The following TSACC variants were observed in gnomAD, a reference collection of about 807,000 sequenced individuals.
TSACC encodes the protein TSSK6-activating co-chaperone protein.
Under a neutral mutation model 6.9 loss-of-function variants are expected in TSACC, and 3 were observed. That is an observed-to-expected ratio of 0.43 (90% CI 0.20 to 1.12). The LOEUF (loss-of-function observed/expected upper bound fraction) is 1.12, where lower values mean the gene tolerates loss of function less well. Ranked by LOEUF, TSACC falls within the 50% of genes most tolerant of loss-of-function variation. The pLI, the probability that TSACC is intolerant of heterozygous loss-of-function variation, is 0.28. For synonymous variants in TSACC, 54 were observed against 55.1 expected (o/e 0.98, Z 0.09); for missense variants, 137 against 143.9 (o/e 0.95, Z 0.24).
chr1:156,344,436 C>CT, intron 2 of TSACC, 144 bp from the exon 3 acceptor site: 3 of 1,261,694 alleles, frequency 2.4e-6, no homozygotes, highest in Non-Finnish European at 1.1e-6. Flanking sequence ...ATTATGATTT[C>CT]TTTTTTGTCT....
At chr1:156,337,712 G>A (rs1020818882), upstream of TSACC, 4 of 183,626 alleles carry the variant, frequency 2.2e-5, no homozygotes, top group African/African-American at 9.5e-5. Flanking sequence ...AGGAAATACT[G>A]TTAACTCCGT....
At position 156,344,708 on chromosome 1, in the gene TSACC, G is replaced by T; in HGVS notation, c.163G>T (p.Val55Phe). 1.9e-6 allele frequency: 3 copies of T among 1,613,772 alleles called. No individual in the cohort carries two copies. The South Asian group carries it at 3.3e-5, about 18-fold the overall frequency. The change falls in exon 3 of 4, where the codon GTT becomes TTT. Residue 55 changes from valine to phenylalanine, a missense_variant and splice_region_variant. Val to Phe is a conservative substitution (Grantham distance 50). Transcript: ENST00000368254. ...CATCCAGACAACAAAGCTGCCCTCG[G>T]GTAAGGATGTAGGGAGGGTTTTCTA... ...LNIQTTKLPSVDHKPKECLGL... is the reference protein window; with the variant it reads ...LNIQTTKLPSFDHKPKECLGL...
At chr1:156,337,860 G>A, upstream of TSACC, 1 of 501,730 alleles carries the variant, frequency 2.0e-6, no homozygotes, top group South Asian at 3.0e-5. Context: ...AAGGGCGCAG[G>A]GGCGGGGGAA....
chr1:156,344,355 T>C (rs537544694), intron 2 of TSACC, among the ~76,000 whole-genome samples: 1 of 152,304 alleles, frequency 6.6e-6, no homozygotes, highest in South Asian at 2.1e-4. Flanking sequence ...GCATGTAGTG[T>C]ATATCAGTAA....
chr1:156,341,586 G>A (rs947331584), intron 2 of TSACC, among the ~76,000 whole-genome samples: 3 of 152,098 alleles, frequency 2.0e-5, no homozygotes, highest in Non-Finnish European at 4.4e-5. Context: ...CATATCCTCT[G>A]TTCTGCCTCC....
At chr1:156,343,209 A>G (rs1665991325) in intron 2 of TSACC, among the ~76,000 whole-genome samples, 1 of 152,134 alleles carries the variant, frequency 6.6e-6, no homozygotes, top group African/African-American at 2.4e-5. Flanking sequence ...ATATGTCCAG[A>G]TGTGATTATG....
At chr1:156,338,075 C>T, upstream of TSACC, 1 of 1,492,344 alleles carries the variant, frequency 6.7e-7, no homozygotes, top group Non-Finnish European at 9.2e-7. Flanking sequence ...CAGTGGGGGA[C>T]GGAGCTGGGG....
At chr1:156,337,710 C>G (rs1247803219), upstream of TSACC, 1 of 182,540 alleles carries the variant, frequency 5.5e-6, no homozygotes, top group South Asian at 1.1e-4. Context: ...CTAGGAAATA[C>G]TGTTAACTCC....
intron 2 of TSACC, among the ~76,000 whole-genome samples, chr1:156,340,895 C>T (rs967307859): frequency 6.6e-6 from 1 of 152,208 alleles, no homozygotes. Context: ...AGTTTACCTA[C>T]TTAGGATCAC....
intron 1 of TSACC, 88 bp from the exon 2 acceptor site, chr1:156,339,546 C>G (rs1665699591): frequency 2.0e-6 from 1 of 499,480 alleles, no homozygotes; most frequent in Admixed American, 3.6e-5. Context: ...GTTTTCCAAA[C>G]TAGTGAAGGG....
intron 2 of TSACC, 47 bp downstream of exon 2, chr1:156,339,838 C>G (rs1357116558): frequency 6.2e-7 from 1 of 1,605,086 alleles, no homozygotes; most frequent in South Asian, 1.1e-5. Flanking sequence ...AGCAAGACCT[C>G]CTTTGCATTC....
At chr1:156,339,308 T>C (rs926516077) in intron 1 of TSACC, among the ~76,000 whole-genome samples, 9 of 151,678 alleles carry the variant, frequency 5.9e-5, no homozygotes, top group Admixed American at 4.0e-4. Context: ...GAGATTTTTT[T>C]CCCCCACATC....
rs761547058 is a variant in TSACC, at chr1:156,346,909, G to A, written c.305G>A (p.Gly102Glu). The A allele has an allele frequency of 1.2e-5, 19 of 1,614,056 alleles. No individual in the cohort carries two copies. Among genetic ancestry groups the A allele is most frequent in the Non-Finnish European group, 1.4e-5 (17 of 1,180,042 alleles). ...ASVTQLAPGR[G>E]SNNSSLPALS... ...GTGACACAACTGGCTCCTGGGAGGG[G>A]AAGCAATAACTCTTCTCTCCCAGCC... Residue 102 changes from glycine to glutamate, a missense_variant, in exon 4 of 4, where the codon GGA (glycine) becomes GAA (glutamate). Coordinates refer to ENST00000368254, the MANE Select transcript of TSACC (RefSeq NM_001304817.2).
At chr1:156,339,524 T>A in intron 1 of TSACC, 110 bp from the exon 2 acceptor site, 5 of 480,518 alleles carry the variant, frequency 1.0e-5, no homozygotes, top group African/African-American at 2.0e-5. Context: ...AAGGAAGCAC[T>A]AAAGGAAAAC....
At position 156,339,765 on chromosome 1, in the gene TSACC, G is replaced by A. The variant is rs758274628; in HGVS notation, c.8G>A (p.Arg3Gln). The A allele has an allele frequency of 8.1e-6, 13 of 1,613,938 alleles. No homozygotes were observed. Among genetic ancestry groups the A allele is most frequent in the East Asian group, 2.2e-5 (1 of 44,896 alleles). The change falls in exon 2 of 4, where the codon CGG (arginine) becomes CAG (glutamine). Residue 3 changes from arginine (R) to glutamine (Q), a missense_variant. Coordinates refer to ENST00000368254, the MANE Select transcript of TSACC (RefSeq NM_001304817.2). ME[R>Q]HTSHPNRKVP... ...ACACCTGTTGGTGTTCAGATGGAGC[G>A]GCACACTAGTCATCCTAACAGAAAA...
chr1:156,338,440 T>A (rs1665569251), upstream of TSACC: 2 of 571,732 alleles, frequency 3.5e-6, no homozygotes, highest in Admixed American at 6.1e-5. Flanking sequence ...ACGAAGGCAC[T>A]GGGAGGGCAC....
At chr1:156,341,392 C>T (rs1665875692) in intron 2 of TSACC, among the ~76,000 whole-genome samples, 1 of 152,166 alleles carries the variant, frequency 6.6e-6, no homozygotes, top group African/African-American at 2.4e-5. Context: ...ACTCTCATAG[C>T]ACTTACTGAA....
chr1:156,346,711 A>G (rs746635375), intron 3 of TSACC, 57 bp from the exon 4 acceptor site: 246 of 1,560,006 alleles, frequency 1.6e-4, no homozygotes, highest in Non-Finnish European at 2.1e-4. Context: ...ACCTCAGTAC[A>G]ATTACCAAAT....
upstream of TSACC, chr1:156,338,146 G>A (rs555518477): frequency 3.2e-6 from 5 of 1,585,042 alleles, no homozygotes; most frequent in Admixed American, 7.5e-5. Context: ...GGCATCCCCA[G>A]AACTCACTGA....
Sources: gnomAD v4.1 joint callset for allele counts (sites outside exome capture counted in the v4.1 genomes callset) on GRCh38, gnomAD v4.1.1 for gene constraint, MANE v1.5 for transcripts, NCBI Gene and HGNC (gene_info 2026-07-23, HGNC 2026-07-21) for gene names.